The following NAXD variants were observed in gnomAD, a reference collection of about 807,000 sequenced individuals.
The protein encoded by NAXD is NAD(P)HX dehydratase.
In NAXD, 22 loss-of-function variants were observed where a neutral mutation model predicts 35.8. The observed-to-expected ratio is 0.62, with a 90% CI of 0.44 to 0.88. The LOEUF (loss-of-function observed/expected upper bound fraction) is 0.88, where lower values mean the gene tolerates loss of function less well. Ranked by LOEUF, NAXD falls within the 40% of genes least tolerant of loss-of-function variation. The pLI, the probability that NAXD is intolerant of heterozygous loss-of-function variation, is 0.00. For synonymous variants in NAXD, 189 were observed against 177.6 expected, an observed-to-expected ratio of 1.06 and a Z score of -0.51; for missense variants, 428 against 437.7, an observed-to-expected ratio of 0.98 and a Z score of 0.20.
At chr13:110,620,998 A>G (rs1054074467) in intron 1 of NAXD, among the ~76,000 whole-genome samples, 1 of 152,248 alleles carries the variant, frequency 6.6e-6, no homozygotes, top group Admixed American at 6.5e-5. Context: ...GGTAAAATAT[A>G]TAACACAGGA....
chr13:110,625,350 A>G, intron 4 of NAXD, 72 bp downstream of exon 4: 2 of 994,238 alleles, frequency 2.0e-6, no homozygotes, highest in Non-Finnish European at 3.2e-6. Flanking sequence ...TGGCACTGAC[A>G]CCGAAAGCGT....
At chr13:110,616,688 G>A (rs1886070799) in intron 1 of NAXD, among the ~76,000 whole-genome samples, 1 of 152,190 alleles carries the variant, frequency 6.6e-6, no homozygotes, top group Non-Finnish European at 1.5e-5. Flanking sequence ...TTTTATACAG[G>A]AAGTAGTTCG....
intron 5 of NAXD, among the ~76,000 whole-genome samples, chr13:110,633,370 C>T (rs422789): frequency 0.2 from 31,030 of 152,086 alleles, 3,639 homozygotes; most frequent in African/African-American, 0.33. Flanking sequence ...CCAGCTGGCC[C>T]GCAAGCGCTG....
At chr13:110,629,461 T>C (rs1381893020) in intron 5 of NAXD, among the ~76,000 whole-genome samples, 2 of 152,184 alleles carry the variant, frequency 1.3e-5, no homozygotes. Context: ...TAGCATCTGC[T>C]CCCTGTTCCC....
rs1887004840 is a variant in NAXD, at chr13:110,638,153, G to A, written c.840-225G>A. On this transcript the variant is annotated intron_variant, in intron 9 of 9. Transcript: ENST00000680254. This position sits in a 1 kb window ranked among gnomAD's most constrained non-coding sequence, Gnocchi z 5.4. ...GCCCTAGCCCTGGACCTGTCTCCGA[G>A]TACATAGACGTTTCCTGTGTGCCTC... 1 of 1,320,644 alleles carries A rather than the reference G, an allele frequency of 7.6e-7. No individual in the cohort carries two copies. The highest frequency in any genetic ancestry group is 1.4e-5 in the South Asian group (1 of 70,632). The allele number at this position is 1,320,644 out of a possible 1,614,324, so 81.8% of individuals were successfully genotyped here. A position where few individuals can be genotyped will look rare whatever the true frequency, so the allele number is the denominator to read the frequency against.
chr13:110,615,904 C>T (rs1886033012), intron 1 of NAXD: 3 of 733,240 alleles, frequency 4.1e-6, no homozygotes, highest in Non-Finnish European at 3.8e-6. Flanking sequence ...CCTCCTGGAA[C>T]GGCGCGGCGA....
At chr13:110,625,949 G>A (rs912504095) in intron 4 of NAXD, among the ~76,000 whole-genome samples, 1 of 152,358 alleles carries the variant, frequency 6.6e-6, no homozygotes. Context: ...GGCTGTGAGA[G>A]TGGGCAGAGG....
chr13:110,616,811 G>T (rs537449738), intron 1 of NAXD, among the ~76,000 whole-genome samples: 1 of 152,326 alleles, frequency 6.6e-6, no homozygotes, highest in Admixed American at 6.5e-5. Context: ...GTGAGTGGCC[G>T]AAATGGTTAA....
At chr13:110,616,908 A>G (rs1418620457) in intron 1 of NAXD, among the ~76,000 whole-genome samples, 1 of 152,152 alleles carries the variant, frequency 6.6e-6, no homozygotes, top group Non-Finnish European at 1.5e-5. Flanking sequence ...TTTTGTTTTC[A>G]TCAGCACACA....
intron 1 of NAXD, among the ~76,000 whole-genome samples, chr13:110,617,110 A>G (rs1886089796): frequency 6.6e-6 from 1 of 152,218 alleles, no homozygotes; most frequent in Admixed American, 6.5e-5. Context: ...CTAAACTTTT[A>G]CGAAAAGCCA....
intron 5 of NAXD, among the ~76,000 whole-genome samples, chr13:110,632,403 G>A (rs1381743380): frequency 1.3e-5 from 2 of 152,172 alleles, no homozygotes; most frequent in Admixed American, 6.5e-5. Flanking sequence ...GCGTGGAAGG[G>A]GACCCGAGCG....
rs74524337 is a variant in NAXD at position 110,631,549 on chromosome 13, A to C, written c.442-2996A>C. Among the ~76,000 whole-genome samples, 4 of 152,316 alleles carry C rather than the reference A, an allele frequency of 2.6e-5. No homozygotes were observed. In the East Asian group the frequency reaches 7.7e-4, roughly 29 times the overall value. On this transcript the variant is annotated intron_variant, in intron 5 of 9. Coordinates refer to ENST00000680254, the MANE Select transcript of NAXD (RefSeq NM_001242882.2). ...TTCTAGGAGACCCATGTAACATTGCATTTTCCAGGGTTTGAATATTCACTT... is the reference window on the plus strand; with the variant it reads ...TTCTAGGAGACCCATGTAACATTGCCTTTTCCAGGGTTTGAATATTCACTT...
At position 110,615,586 on chromosome 13, in the gene NAXD, T is replaced by G. The variant is rs896182918; in HGVS notation, c.-16T>G. 1 of 1,355,402 alleles carries G rather than the reference T, an allele frequency of 7.4e-7. No homozygotes were observed. The highest frequency in any genetic ancestry group is 9.5e-7 in the Non-Finnish European group (1 of 1,053,202). The allele number at this position is 1,355,402 out of a possible 1,614,324, so 84.0% of individuals were successfully genotyped here. On this transcript the variant is annotated 5_prime_UTR_variant, in exon 1 of 10. Coordinates refer to ENST00000680254, the MANE Select transcript of NAXD (RefSeq NM_001242882.2). The stretch of plus-strand genomic sequence containing the variant: ...GCGACGGCGCGGGGGCAGCTGGGAA[T>G]CCGGAATGCTGCCCGATGGCCCTGG...
intron 7 of NAXD, among the ~76,000 whole-genome samples, chr13:110,635,167 C>T (rs1002535717): frequency 2.0e-5 from 3 of 152,196 alleles, no homozygotes; most frequent in African/African-American, 7.2e-5. Context: ...GTGCCCAGTA[C>T]GACTGGAATT....
intron 5 of NAXD, among the ~76,000 whole-genome samples, chr13:110,629,361 G>A (rs894272192): frequency 6.6e-6 from 1 of 152,116 alleles, no homozygotes; most frequent in Non-Finnish European, 1.5e-5. Flanking sequence ...TGAACTATGC[G>A]GTGGCTTCAA....
chr13:110,635,325 C>T (rs2139651582), intron 7 of NAXD, 143 bp from the exon 8 acceptor site: 4 of 920,500 alleles, frequency 4.3e-6, no homozygotes, highest in Non-Finnish European at 6.6e-6. Flanking sequence ...GGGCATCCTC[C>T]CACCTACATG....
Position 110,638,391 on chromosome 13 carries a change from C to T in NAXD, c.853C>T (p.Leu285=). 1.2e-6 allele frequency: 2 copies of T among 1,613,806 alleles called. No individual in the cohort carries two copies. Among genetic ancestry groups the T allele is most frequent in the Non-Finnish European group, 1.7e-6 (2 of 1,180,026 alleles). The part of the protein sequence containing the change: ...PQKTNGSSPL[L]VAAFGACSLT... The stretch of plus-strand genomic sequence containing the variant: ...CCCTCTCCGCAGGTCCAGCCCTCTC[C>T]TGGTGGCCGCGTTTGGCGCCTGCTC... The change falls in exon 10 of 10, where the codon CTG becomes TTG. Residue 285 remains leucine, a synonymous_variant. Coordinates refer to ENST00000680254, the MANE Select transcript of NAXD (RefSeq NM_001242882.2). The surrounding 1 kb of genome is among the most constrained non-coding windows in gnomAD (Gnocchi z 5.4).
At chr13:110,618,145 T>C (rs1886129805) in intron 1 of NAXD, among the ~76,000 whole-genome samples, 2 of 152,232 alleles carry the variant, frequency 1.3e-5, no homozygotes, top group African/African-American at 4.8e-5. Flanking sequence ...CTTTGAATTT[T>C]TAAAATTATG....
intron 1 of NAXD, among the ~76,000 whole-genome samples, chr13:110,617,797 C>T (rs1279191821): frequency 6.6e-6 from 1 of 152,228 alleles, no homozygotes; most frequent in African/African-American, 2.4e-5. Context: ...GCACAGGTTT[C>T]TCTCTGGGCC....
Sources: allele counts gnomAD v4.1 joint callset (sites outside exome capture counted in the v4.1 genomes callset), GRCh38; gene constraint gnomAD v4.1.1; non-coding constraint Gnocchi (gnomAD v3.1); transcripts MANE v1.5; gene names NCBI Gene and HGNC (gene_info 2026-07-23, HGNC 2026-07-21).